DMC1: variants seen among roughly 807,000 people sequenced by gnomAD.
DMC1 encodes the protein meiotic recombination protein DMC1 homolog.
Under a neutral mutation model 50.1 loss-of-function variants are expected in DMC1, and 27 were observed. The ratio of observed to expected loss-of-function variants is 0.54; its 90% confidence interval spans 0.40 to 0.74. DMC1 has a LOEUF of 0.74. Among genes scored for constraint, DMC1 ranks in the 30% least tolerant of loss-of-function variants. The pLI, the probability that DMC1 is intolerant of heterozygous loss-of-function variation, is 0.00. For synonymous variants in DMC1, 148 were observed against 136.1 expected (o/e 1.09, Z -0.61); for missense variants, 295 against 420.2 (o/e 0.70, Z 2.60).
At chr22:38,561,253 C>G (rs1005207718) in intron 5 of DMC1, among the ~76,000 whole-genome samples, 1 of 151,948 alleles carries the variant, frequency 6.6e-6, no homozygotes, top group Non-Finnish European at 1.5e-5. Context: ...TCCCCACCTC[C>G]AGCCTTGGCC....
downstream of DMC1, among the ~76,000 whole-genome samples, chr22:38,514,458 C>T (rs548628505): frequency 9.2e-5 from 14 of 151,736 alleles, no homozygotes; most frequent in East Asian, 1.7e-3. Flanking sequence ...TGGCCAGGAT[C>T]GTCTAGATCT....
At chr22:38,564,313 CT>C (rs984764794) in intron 4 of DMC1, among the ~76,000 whole-genome samples, 6 of 151,364 alleles carry the variant, frequency 4.0e-5, no homozygotes, top group African/African-American at 1.5e-4. Flanking sequence ...CTCTCTCTCT[CT>C]TTTTTTTTCT....
chr22:38,561,534 GAGAT>G (rs1347891125), intron 5 of DMC1, among the ~76,000 whole-genome samples: 1 of 152,210 alleles, frequency 6.6e-6, no homozygotes, highest in Non-Finnish European at 1.5e-5. Flanking sequence ...GATCAGGAAA[GAGAT>G]AGATCTAAGA....
chr22:38,534,559 C>T (rs185705992), intron 12 of DMC1, among the ~76,000 whole-genome samples: 2 of 150,168 alleles, frequency 1.3e-5, no homozygotes, highest in African/African-American at 2.5e-5. Flanking sequence ...AAAAATTAGC[C>T]GGCCATGGTG....
At chr22:38,513,379 A>G in the DMC1 span, among the ~76,000 whole-genome samples, 1 of 152,186 alleles carries the variant, frequency 6.6e-6, no homozygotes, top group Non-Finnish European at 1.5e-5. Flanking sequence ...TGACTCTTTG[A>G]AAGAAAACAA....
chr22:38,567,504 C>T, intron 3 of DMC1, 79 bp downstream of exon 3: 1 of 1,223,756 alleles, frequency 8.2e-7, no homozygotes, highest in South Asian at 1.2e-5. Flanking sequence ...AAAGAATTAT[C>T]CAGGCCCAAA....
chr22:38,568,667 TAAC>T (rs1010779391), intron 1 of DMC1, among the ~76,000 whole-genome samples: 9 of 152,322 alleles, frequency 5.9e-5, no homozygotes, highest in African/African-American at 1.7e-4. Flanking sequence ...TGTTTATGTT[TAAC>T]AACAATACTC....
At chr22:38,537,295 C>T (rs531204955) in intron 12 of DMC1, among the ~76,000 whole-genome samples, 3 of 152,166 alleles carry the variant, frequency 2.0e-5, no homozygotes, top group East Asian at 3.9e-4. Flanking sequence ...CTTACTACAA[C>T]CTCCACCTCC....
chr22:38,548,151 C>T (rs927359735), intron 8 of DMC1, among the ~76,000 whole-genome samples: 1 of 152,184 alleles, frequency 6.6e-6, no homozygotes, highest in Non-Finnish European at 1.5e-5. Flanking sequence ...ATTCTCCTCT[C>T]TTCTCTCTCT....
At chr22:38,524,617 T>C (rs1167667941) in intron 12 of DMC1, among the ~76,000 whole-genome samples, 2 of 152,124 alleles carry the variant, frequency 1.3e-5, no homozygotes, top group African/African-American at 4.8e-5. Context: ...CTTGATGACT[T>C]TGCACACATT....
intron 8 of DMC1, among the ~76,000 whole-genome samples, chr22:38,547,596 A>C (rs987364761): frequency 1.3e-5 from 2 of 151,560 alleles, no homozygotes; most frequent in Admixed American, 1.3e-4. Flanking sequence ...GCTGGAGTGC[A>C]ATGGCACGAT....
intron 7 of DMC1, among the ~76,000 whole-genome samples, chr22:38,550,910 G>A (rs1869284459): frequency 8.8e-6 from 1 of 113,774 alleles, no homozygotes; most frequent in African/African-American, 3.5e-5. Flanking sequence ...CAGCCTGGGT[G>A]ATAGATCAAG....
chr22:38,545,318 GGAGGATCACTT>G (rs2145903164), intron 8 of DMC1, among the ~76,000 whole-genome samples: 2 of 152,286 alleles, frequency 1.3e-5, no homozygotes, highest in South Asian at 4.1e-4. Flanking sequence ...AGCTGAGGTG[GGAGGATCACTT>G]GAGTCCTGGA....
At chr22:38,569,220 T>C (rs977289770) in intron 1 of DMC1, 1 of 151,792 alleles carries the variant, frequency 6.6e-6, no homozygotes, top group Non-Finnish European at 1.5e-5. Context: ...CATAATATTA[T>C]ATTAAGGCTG....
the DMC1 span, among the ~76,000 whole-genome samples, chr22:38,512,268 C>T: frequency 6.6e-6 from 1 of 152,150 alleles, no homozygotes; most frequent in Non-Finnish European, 1.5e-5. Flanking sequence ...AGCCACTGCA[C>T]CCAGACTGCC....
the DMC1 span, among the ~76,000 whole-genome samples, chr22:38,509,271 T>A: frequency 6.6e-6 from 1 of 152,012 alleles, no homozygotes; most frequent in Non-Finnish European, 1.5e-5. Flanking sequence ...CTTGCCTCGG[T>A]ATTAGGCCCA....
intron 1 of DMC1, among the ~76,000 whole-genome samples, chr22:38,568,912 T>C (rs1274519515): frequency 6.6e-6 from 1 of 152,076 alleles, no homozygotes; most frequent in Non-Finnish European, 1.5e-5. Context: ...AATATGGTGG[T>C]CCGGGTGTGG....
intron 6 of DMC1, among the ~76,000 whole-genome samples, chr22:38,554,938 G>C (rs748496119): frequency 6.6e-6 from 1 of 151,986 alleles, no homozygotes; most frequent in East Asian, 1.9e-4. Flanking sequence ...AAAAAAATTA[G>C]CTGGGAGTGG....
intron 5 of DMC1, among the ~76,000 whole-genome samples, chr22:38,560,004 C>CA (rs979934749): frequency 6.7e-6 from 1 of 149,812 alleles, no homozygotes; most frequent in South Asian, 2.1e-4. Flanking sequence ...GGTGACAGAG[C>CA]AAGACTCCGT....
Sources: allele counts gnomAD v4.1 joint callset (sites outside exome capture counted in the v4.1 genomes callset), GRCh38; gene constraint gnomAD v4.1.1; transcripts MANE v1.5; gene names NCBI Gene and HGNC (gene_info 2026-07-23, HGNC 2026-07-21).